FANK1: variants seen among roughly 807,000 people sequenced by gnomAD.
FANK1 encodes the protein fibronectin type III and ankyrin repeat domains 1.
A neutral mutation model predicts 45.3 loss-of-function variants in FANK1; 44 were observed. The ratio of observed to expected loss-of-function variants is 0.97; its 90% CI spans 0.76 to 1.25. The LOEUF (loss-of-function observed/expected upper bound fraction) is 1.25, where lower values mean the gene tolerates loss of function less well. Among genes scored for constraint, FANK1 ranks in the 50% most tolerant of loss-of-function variants. The pLI, the probability that FANK1 is intolerant of heterozygous loss-of-function variation, is 0.00. For missense variants in FANK1, 391 were observed against 424.4 expected (o/e 0.92, Z 0.69); for synonymous variants, 149 against 152.5 (o/e 0.98, Z 0.17).
intron 1 of FANK1, among the ~76,000 whole-genome samples, chr10:125,934,301 G>A (rs569337178): frequency 2.6e-5 from 4 of 152,128 alleles, no homozygotes; most frequent in Admixed American, 2.0e-4. Context: ...GATAGTTTGC[G>A]TTTTATTACT....
intron 6 of FANK1, among the ~76,000 whole-genome samples, chr10:125,999,661 T>A (rs1229687581): frequency 2.6e-5 from 4 of 152,188 alleles, no homozygotes; most frequent in Non-Finnish European, 1.5e-5. Flanking sequence ...GAAATCTGCA[T>A]CCCTCTGAGG....
intron 3 of FANK1, among the ~76,000 whole-genome samples, chr10:125,991,707 G>T (rs1951956557): frequency 1.3e-5 from 2 of 151,978 alleles, no homozygotes; most frequent in Non-Finnish European, 2.9e-5. Flanking sequence ...AATCAGTTGG[G>T]CCCTTATAAA....
chr10:125,958,595 C>T (rs903748133), intron 1 of FANK1, among the ~76,000 whole-genome samples: 3 of 152,190 alleles, frequency 2.0e-5, no homozygotes, highest in Non-Finnish European at 4.4e-5. Flanking sequence ...TACTACTTTA[C>T]ATTCCCACCA....
At chr10:125,904,710 G>A (rs1380746020) in intron 1 of FANK1, among the ~76,000 whole-genome samples, 3 of 151,996 alleles carry the variant, frequency 2.0e-5, no homozygotes, top group Non-Finnish European at 4.4e-5. Context: ...TTTTGGGCTT[G>A]TGTTCATGTG....
At chr10:125,961,065 C>G (rs1374626806) in intron 1 of FANK1, among the ~76,000 whole-genome samples, 2 of 152,090 alleles carry the variant, frequency 1.3e-5, no homozygotes, top group Admixed American at 6.5e-5. Flanking sequence ...CAGAATAGAC[C>G]ACACAGAAAG....
chr10:125,929,566 C>A (rs1483805734), intron 1 of FANK1, among the ~76,000 whole-genome samples: 2 of 152,120 alleles, frequency 1.3e-5, no homozygotes, highest in Non-Finnish European at 2.9e-5. Context: ...CCAACATGAT[C>A]TTTATGAAAA....
intron 1 of FANK1, among the ~76,000 whole-genome samples, chr10:125,902,410 T>A (rs1170658148): frequency 3.9e-5 from 6 of 152,236 alleles, no homozygotes; most frequent in Non-Finnish European, 7.3e-5. Flanking sequence ...GCACTGCTGT[T>A]CACAGATAGA....
intron 1 of FANK1, among the ~76,000 whole-genome samples, chr10:125,932,959 C>A (rs1209864619): frequency 6.6e-6 from 1 of 151,890 alleles, no homozygotes; most frequent in Non-Finnish European, 1.5e-5. Flanking sequence ...CTATTGAGAT[C>A]ATGTCATTTT....
chr10:125,967,659 A>C (rs1950265300), intron 1 of FANK1, among the ~76,000 whole-genome samples: 1 of 152,178 alleles, frequency 6.6e-6, no homozygotes, highest in Admixed American at 6.5e-5. Context: ...GCTGGGATGC[A>C]GTGGTACAAT....
intron 1 of FANK1, among the ~76,000 whole-genome samples, chr10:125,979,256 G>A (rs1264200484): frequency 6.6e-6 from 1 of 152,138 alleles, no homozygotes; most frequent in African/African-American, 2.4e-5. Flanking sequence ...GGCTGTTTCA[G>A]TTGAAGGTGT....
At chr10:125,967,575 C>G (rs1332327135) in intron 1 of FANK1, among the ~76,000 whole-genome samples, 1 of 152,082 alleles carries the variant, frequency 6.6e-6, no homozygotes, top group Non-Finnish European at 1.5e-5. Context: ...CTATACTATT[C>G]GTTCTACTTT....
chr10:125,986,033 C>T (rs919890463), intron 2 of FANK1, among the ~76,000 whole-genome samples: 1 of 152,198 alleles, frequency 6.6e-6, no homozygotes, highest in Admixed American at 6.5e-5. Flanking sequence ...TCTACCACTT[C>T]CCATCCTGTT....
At position 125,908,697 on chromosome 10, in the gene FANK1, A is replaced by G. The variant is rs187340070; in HGVS notation, c.13+12042A>G. On this transcript the variant is annotated intron_variant, in intron 1 of 10. Transcript: ENST00000368693. ...CACTAAAATCTCAGAAATCACCACT[A>G]AAGAACTTACTCATGTAACCAAACA... is the stretch of plus-strand genomic sequence containing the variant. 2.1e-3 allele frequency among the ~76,000 whole-genome samples: 318 copies of G among 152,204 alleles called. 1 individual carries two copies. The highest frequency in any genetic ancestry group is 7.3e-3 in the African/African-American group (305 of 41,554).
intron 10 of FANK1, 44 bp from the exon 11 acceptor site, chr10:126,009,329 C>T: frequency 6.2e-7 from 1 of 1,613,956 alleles, no homozygotes; most frequent in Non-Finnish European, 8.5e-7. Flanking sequence ...AGAAAAACCA[C>T]CAAAACCCTG....
chr10:125,942,936 C>T (rs1419541996), intron 1 of FANK1, among the ~76,000 whole-genome samples: 1 of 151,664 alleles, frequency 6.6e-6, no homozygotes, highest in Non-Finnish European at 1.5e-5. Context: ...GCCTCAGCCT[C>T]CTGAGTAGCT....
chr10:125,975,571 T>A (rs1950805809), intron 1 of FANK1, among the ~76,000 whole-genome samples: 2 of 152,262 alleles, frequency 1.3e-5, no homozygotes. Flanking sequence ...GGTTTTGATA[T>A]GCTTGTTGGC....
intron 6 of FANK1, among the ~76,000 whole-genome samples, chr10:126,001,769 C>G (rs1439598112): frequency 1.3e-5 from 2 of 152,042 alleles, no homozygotes; most frequent in African/African-American, 4.8e-5. Context: ...TGTGCCTATC[C>G]CTGGGAAGGA....
At chr10:125,919,288 C>T (rs1223520375) in intron 1 of FANK1, among the ~76,000 whole-genome samples, 1 of 137,218 alleles carries the variant, frequency 7.3e-6, no homozygotes, top group Non-Finnish European at 1.5e-5. Context: ...TCACTGCAAC[C>T]TCCGCTTCCC....
chr10:125,899,089 T>A (rs1944823083), intron 1 of FANK1, among the ~76,000 whole-genome samples: 1 of 152,162 alleles, frequency 6.6e-6, no homozygotes, highest in Non-Finnish European at 1.5e-5. Flanking sequence ...AGACAGAGTT[T>A]CGCTGTTGTT....
Sources: allele counts gnomAD v4.1 joint callset (sites outside exome capture counted in the v4.1 genomes callset), GRCh38; gene constraint gnomAD v4.1.1; transcripts MANE v1.5; gene names NCBI Gene and HGNC (gene_info 2026-07-23, HGNC 2026-07-21).